SGCD: variants seen among roughly 807,000 people sequenced by gnomAD.
SGCD encodes sarcoglycan delta, also known as delta-sarcoglycan.
SGCD carries 18 observed loss-of-function variants against 36.6 expected under a neutral mutation model. That is an observed-to-expected ratio of 0.49 (90% CI 0.34 to 0.73). SGCD has a LOEUF of 0.73. Among genes scored for constraint, SGCD ranks in the 30% least tolerant of loss-of-function variants. The pLI, the probability that SGCD is intolerant of heterozygous loss-of-function variation, is 0.01. For synonymous variants in SGCD, 133 were observed against 130.6 expected (o/e 1.02, Z -0.12); for missense variants, 387 against 346.7 (o/e 1.12, Z -0.92).
chr5:155,773,485 T>C, the SGCD span, among the ~76,000 whole-genome samples: 1 of 152,154 alleles, frequency 6.6e-6, no homozygotes, highest in African/African-American at 2.4e-5. Context: ...TGGCCTGCCC[T>C]GACTTCTTTA....
chr5:155,737,440 T>C, the SGCD span, among the ~76,000 whole-genome samples: 1 of 152,212 alleles, frequency 6.6e-6, no homozygotes, highest in Non-Finnish European at 1.5e-5. Flanking sequence ...AAAATCATAC[T>C]CTTACTATAG....
chr5:155,808,744 T>G, the SGCD span, among the ~76,000 whole-genome samples: 1 of 152,206 alleles, frequency 6.6e-6, no homozygotes, highest in African/African-American at 2.4e-5. Flanking sequence ...CATAAAATAG[T>G]AGTGTTTAAA....
At chr5:156,196,629 G>A (rs1764030670) in intron 3 of SGCD, among the ~76,000 whole-genome samples, 1 of 152,208 alleles carries the variant, frequency 6.6e-6, no homozygotes, top group African/African-American at 2.4e-5. Context: ...TAAAGTTGGA[G>A]ATGTGTCTTT....
intron 7 of SGCD, among the ~76,000 whole-genome samples, chr5:156,744,625 C>G (rs1393463865): frequency 6.6e-6 from 1 of 152,188 alleles, no homozygotes; most frequent in Non-Finnish European, 1.5e-5. Context: ...AACCAGGTCT[C>G]CCAAATGTGT....
intron 3 of SGCD, among the ~76,000 whole-genome samples, chr5:156,479,599 T>G (rs1293783687): frequency 6.6e-6 from 1 of 152,212 alleles, no homozygotes; most frequent in African/African-American, 2.4e-5. Flanking sequence ...ATTTTGCTCC[T>G]ACCCCTGTGG....
chr5:155,755,819 T>G, the SGCD span, among the ~76,000 whole-genome samples: 2 of 152,186 alleles, frequency 1.3e-5, no homozygotes, highest in Admixed American at 6.5e-5. Flanking sequence ...TGTTAATGTT[T>G]ATGGTCCTGT....
intron 4 of SGCD, among the ~76,000 whole-genome samples, chr5:156,519,353 AAAAC>A (rs148970150): frequency 0.016 from 2,404 of 152,138 alleles, 51 homozygotes; most frequent in African/African-American, 0.054. Flanking sequence ...TACCAACAAA[AAAAC>A]AAACAAACAA....
At chr5:156,115,460 T>C (rs191997069) in intron 1 of SGCD, among the ~76,000 whole-genome samples, 70 of 152,172 alleles carry the variant, frequency 4.6e-4, no homozygotes, top group African/African-American at 1.5e-3. Flanking sequence ...CCAACCCCTA[T>C]TGGAGCAAAT....
intron 3 of SGCD, among the ~76,000 whole-genome samples, chr5:156,128,086 C>G (rs1034136890): frequency 6.6e-6 from 1 of 150,574 alleles, no homozygotes; most frequent in Non-Finnish European, 1.5e-5. Flanking sequence ...AGTTGTAATA[C>G]CTATATTTAA....
chr5:156,114,987 T>C (rs182821008), intron 1 of SGCD, among the ~76,000 whole-genome samples: 90 of 152,190 alleles, frequency 5.9e-4, no homozygotes, highest in African/African-American at 2.1e-3. Flanking sequence ...TATTATAAAA[T>C]ATTACATTTT....
intron 3 of SGCD, among the ~76,000 whole-genome samples, chr5:156,268,146 T>C (rs1411695818): frequency 2.0e-5 from 3 of 152,230 alleles, no homozygotes. Context: ...TCCATCCATG[T>C]TCCTGCAAAA....
At chr5:156,495,902 T>C (rs1226759816) in intron 3 of SGCD, among the ~76,000 whole-genome samples, 1 of 152,186 alleles carries the variant, frequency 6.6e-6, no homozygotes, top group Non-Finnish European at 1.5e-5. Flanking sequence ...TTTTTAAAGG[T>C]TGCTTACAAG....
At chr5:156,099,758 T>C (rs986310639) in intron 1 of SGCD, among the ~76,000 whole-genome samples, 1 of 152,100 alleles carries the variant, frequency 6.6e-6, no homozygotes, top group African/African-American at 2.4e-5. Context: ...AGACTCATAG[T>C]AGATTCTCAG....
At chr5:156,262,110 T>A (rs1765884174) in intron 3 of SGCD, among the ~76,000 whole-genome samples, 1 of 152,148 alleles carries the variant, frequency 6.6e-6, no homozygotes, top group African/African-American at 2.4e-5. Flanking sequence ...TGTCCAGTAT[T>A]GATAAAGTCT....
intron 3 of SGCD, among the ~76,000 whole-genome samples, chr5:156,423,356 TTATAA>T (rs1254133315): frequency 1.2e-5 from 1 of 80,754 alleles, no homozygotes; most frequent in Non-Finnish European, 2.3e-5. Flanking sequence ...TATAATTTTA[TTATAA>T]TATATTATAT....
At chr5:155,811,751 G>A in the SGCD span, among the ~76,000 whole-genome samples, 20 of 152,292 alleles carry the variant, frequency 1.3e-4, no homozygotes, top group African/African-American at 3.9e-4. Context: ...TTCTGGTTTC[G>A]CAGTGTCAAT....
chr5:156,504,526 G>T (rs1241094319), intron 3 of SGCD, among the ~76,000 whole-genome samples: 2 of 151,612 alleles, frequency 1.3e-5, no homozygotes, highest in Non-Finnish European at 2.9e-5. Context: ...ATATTTGCCT[G>T]CACTCTTACA....
intron 3 of SGCD, among the ~76,000 whole-genome samples, chr5:156,464,999 C>G (rs916710879): frequency 6.6e-6 from 1 of 152,098 alleles, no homozygotes; most frequent in African/African-American, 2.4e-5. Flanking sequence ...ATTCGTTGAG[C>G]TCTCTTAGAA....
At chr5:155,854,523 T>G in the SGCD span, among the ~76,000 whole-genome samples, 2 of 152,186 alleles carry the variant, frequency 1.3e-5, no homozygotes, top group Non-Finnish European at 2.9e-5. Flanking sequence ...GCTTCCTATA[T>G]CTGATTTAAA....
Sources: gnomAD v4.1 joint callset for allele counts (sites outside exome capture counted in the v4.1 genomes callset) on GRCh38, gnomAD v4.1.1 for gene constraint, MANE v1.5 for transcripts, NCBI Gene and HGNC (gene_info 2026-07-23, HGNC 2026-07-21) for gene names.